OTOG: variants seen among roughly 807,000 people sequenced by gnomAD.
OTOG encodes otogelin.
In OTOG, 296 loss-of-function variants were observed where a neutral mutation model predicts 313.8. The observed-to-expected ratio is 0.94, with a 90% CI of 0.86 to 1.04. The LOEUF (loss-of-function observed/expected upper bound fraction) is 1.04. Among genes scored for constraint, OTOG ranks in the 50% least tolerant of loss-of-function variants. The pLI is 0.00. For synonymous variants in OTOG, 1,533 were observed against 1,554.9 expected (o/e 0.99, Z 0.33); for missense variants, 3,948 against 3,840.1 (o/e 1.03, Z -0.74).
chr11:17,591,785 T>A (rs770626124), intron 25 of OTOG, among the ~76,000 whole-genome samples, 197 bp downstream of exon 25: 1 of 152,202 alleles, frequency 6.6e-6, no homozygotes, highest in Non-Finnish European at 1.5e-5. Flanking sequence ...GATACCACAC[T>A]GCCTGTCTGC....
intron 39 of OTOG, among the ~76,000 whole-genome samples, chr11:17,619,223 A>T (rs1008548522): frequency 6.6e-6 from 1 of 152,164 alleles, no homozygotes; most frequent in African/African-American, 2.4e-5. Flanking sequence ...GTGAGCCGTG[A>T]TTGCACGACT....
chr11:17,613,224 TTTCTTTC>T (rs1427928155), intron 38 of OTOG, among the ~76,000 whole-genome samples: 2 of 136,866 alleles, frequency 1.5e-5, no homozygotes, highest in Non-Finnish European at 3.1e-5. Flanking sequence ...TCTTTCTTTC[TTTCTTTC>T]TTTCTTTCTT....
At chr11:17,620,407 C>T (rs528083056) in intron 39 of OTOG, among the ~76,000 whole-genome samples, 3 of 152,158 alleles carry the variant, frequency 2.0e-5, no homozygotes, top group Non-Finnish European at 4.4e-5. Context: ...CACATTGAAG[C>T]ATGTATCAAT....
At chr11:17,550,743 G>A (rs1174851600) in intron 3 of OTOG, among the ~76,000 whole-genome samples, 12 of 152,216 alleles carry the variant, frequency 7.9e-5, no homozygotes, top group Admixed American at 7.2e-4. Flanking sequence ...CCATGAGATA[G>A]ATTAGTACCC....
chr11:17,562,966 A>C (rs1291966693), intron 15 of OTOG, among the ~76,000 whole-genome samples: 1 of 152,224 alleles, frequency 6.6e-6, no homozygotes, highest in Non-Finnish European at 1.5e-5. Context: ...ACTGGGCTAC[A>C]GCAGCTGTGA....
intron 54 of OTOG, among the ~76,000 whole-genome samples, chr11:17,644,537 T>C (rs1417397159): frequency 2.0e-5 from 3 of 152,206 alleles, no homozygotes. Flanking sequence ...GTGGAGCTGA[T>C]ATTTAGTGGG....
At position 17,609,983 on chromosome 11, in the gene OTOG, C is replaced by T; in HGVS notation, c.4683C>T (p.Ile1561=). The T allele has an allele frequency of 5.2e-6, 8 of 1,542,154 alleles. No homozygotes were observed. The highest frequency in any genetic ancestry group is 7.0e-6 in the Non-Finnish European group (8 of 1,141,590). ...GAGTGACTGCCAGCCTCCTGGCCATCCCCCATACACCAGAGTCCTCATCCC... is the reference window on the plus strand; with the variant it reads ...GAGTGACTGCCAGCCTCCTGGCCATTCCCCATACACCAGAGTCCTCATCCC... ...SKGVTASLLA[I]PHTPESSSLP... Residue 1561 remains isoleucine, a synonymous_variant, in exon 36 of 56, where the codon ATC becomes ATT. Transcript: ENST00000399397.
chr11:17,551,926 C>A (rs1851943315), intron 3 of OTOG, 74 bp from the exon 4 acceptor site: 2 of 1,343,222 alleles, frequency 1.5e-6, no homozygotes, highest in Non-Finnish European at 2.1e-6. Flanking sequence ...AGGGCTGTGG[C>A]CACCAGGAAG....
In OTOG at chr11:17,634,149, T is replaced by C. The variant is rs1157940250; in HGVS notation, c.7348T>C (p.Cys2450Arg). 1 of 1,549,758 alleles carries C rather than the reference T, an allele frequency of 6.5e-7. No homozygotes were observed. Among genetic ancestry groups the C allele is most frequent in the African/African-American group, 1.4e-5 (1 of 73,084 alleles). ...CCTCAGCGGCTGCTGCCAGCACCAG[T>C]GCCAAGCCCCAGACACCATTGTCCC... ...SSLSGCCQHQ[C>R]QAPDTIVPVD... is the part of the protein sequence containing the mutation. Residue 2450 changes from cysteine to arginine, a missense_variant, in exon 44 of 56, where the codon TGC (cysteine) becomes CGC (arginine). Coordinates refer to ENST00000399397, the MANE Select transcript of OTOG (RefSeq NM_001292063.2).
At chr11:17,625,525 G>C (rs1341135308) in intron 39 of OTOG, among the ~76,000 whole-genome samples, 3 of 152,118 alleles carry the variant, frequency 2.0e-5, no homozygotes, top group African/African-American at 7.2e-5. Context: ...TGGTGAATAA[G>C]CTTTTTGATA....
chr11:17,593,370 G>T, intron 26 of OTOG, 43 bp downstream of exon 26: 2 of 1,546,420 alleles, frequency 1.3e-6, no homozygotes, highest in Non-Finnish European at 1.7e-6. Context: ...CAATTTACAG[G>T]TTACCAGGGT....
chr11:17,618,324 C>T (rs1216427684), intron 39 of OTOG, among the ~76,000 whole-genome samples: 2 of 152,060 alleles, frequency 1.3e-5, no homozygotes, highest in Non-Finnish European at 2.9e-5. Flanking sequence ...TTTAAATATC[C>T]CTTTTGATTT....
chr11:17,621,008 C>T (rs1853851938), intron 39 of OTOG, among the ~76,000 whole-genome samples: 2 of 152,234 alleles, frequency 1.3e-5, no homozygotes, highest in South Asian at 4.1e-4. Flanking sequence ...TTCTTGAGCA[C>T]ATATAGTTAA....
intron 18 of OTOG, 49 bp from the exon 19 acceptor site, chr11:17,573,029 A>G: frequency 3.4e-6 from 5 of 1,465,764 alleles, no homozygotes; most frequent in Non-Finnish European, 4.6e-6. Context: ...CTGGGACACC[A>G]GGTAGACCGA....
chr11:17,631,391 G>GT (rs1565126148), intron 40 of OTOG, among the ~76,000 whole-genome samples: 3 of 133,752 alleles, frequency 2.2e-5, no homozygotes, highest in African/African-American at 1.0e-4. Flanking sequence ...TGTGTGTGTG[G>GT]GGGGGGGTAT....
At position 17,596,993 on chromosome 11, in the gene OTOG, C is replaced by T. The variant is rs938096068; in HGVS notation, c.3668C>T (p.Thr1223Ile). Residue 1223 changes from threonine to isoleucine, a missense_variant, in exon 30 of 56, where the codon ACC (threonine) becomes ATC (isoleucine). By Grantham distance (89) the Thr-to-Ile change is moderately conservative. Coordinates refer to ENST00000399397, the MANE Select transcript of OTOG (RefSeq NM_001292063.2). Reference protein sequence around the residue: ...CQHGVAVDWRTPRLCPYDCDF... With the variant: ...CQHGVAVDWRIPRLCPYDCDF... Reference sequence around the variant, plus strand: ...CATGGGGTGGCTGTTGACTGGCGAACCCCCCGCCTCTGCCGTGAGTGTCCC... The same window carrying T: ...CATGGGGTGGCTGTTGACTGGCGAATCCCCCGCCTCTGCCGTGAGTGTCCC... 3.2e-6 allele frequency: 5 copies of T among 1,548,356 alleles called. No individual in the cohort carries two copies. The highest frequency in any genetic ancestry group is 1.7e-4 in the Middle Eastern group (1 of 5,852).
intron 36 of OTOG, 37 bp downstream of exon 36, chr11:17,611,460 G>C: frequency 6.8e-7 from 1 of 1,469,960 alleles, no homozygotes; most frequent in Non-Finnish European, 9.1e-7. Context: ...ACCCGTATGT[G>C]ACCCTTCCCT....
chr11:17,616,026 T>C (rs1376732435), intron 39 of OTOG, among the ~76,000 whole-genome samples: 1 of 152,222 alleles, frequency 6.6e-6, no homozygotes, highest in Non-Finnish European at 1.5e-5. Flanking sequence ...TACCATTACT[T>C]ATTATTAAAC....
intron 13 of OTOG, 38 bp downstream of exon 13, chr11:17,560,855 G>C (rs1039319014): frequency 2.3e-5 from 34 of 1,493,668 alleles, no homozygotes; most frequent in Middle Eastern, 1.7e-4. Context: ...TGTGGGGCAT[G>C]GCCGCTGAGG....
Sources: allele counts gnomAD v4.1 joint callset (sites outside exome capture counted in the v4.1 genomes callset), GRCh38; gene constraint gnomAD v4.1.1; transcripts MANE v1.5; gene names NCBI Gene and HGNC (gene_info 2026-07-23, HGNC 2026-07-21).